The following CEP83 variants were observed in gnomAD, a reference collection of about 807,000 sequenced individuals.
CEP83 encodes the protein centrosomal protein 83.
A neutral mutation model predicts 101.9 loss-of-function variants in CEP83; 70 were observed. The ratio of observed to expected loss-of-function variants is 0.69; its 90% confidence interval spans 0.57 to 0.84. The LOEUF (loss-of-function observed/expected upper bound fraction) is 0.84, where lower values mean the gene tolerates loss of function less well. Among genes scored for constraint, CEP83 ranks in the 40% least tolerant of loss-of-function variants. The probability of loss-of-function intolerance (pLI) is 0.00; values close to 1 mark genes in which losing one functional copy is unlikely to be tolerated. For synonymous variants in CEP83, 264 were observed against 267.9 expected (o/e 0.99, Z 0.14); for missense variants, 715 against 787.2 (o/e 0.91, Z 1.10).
chr12:94,357,596 CT>C (rs1321116567), intron 11 of CEP83, among the ~76,000 whole-genome samples: 2 of 152,178 alleles, frequency 1.3e-5, no homozygotes, highest in Admixed American at 1.3e-4. Context: ...TGTCTGTCCC[CT>C]GCCACAGCAA....
intron 6 of CEP83, among the ~76,000 whole-genome samples, chr12:94,389,816 T>C (rs938385735): frequency 1.3e-5 from 2 of 152,076 alleles, no homozygotes; most frequent in Non-Finnish European, 2.9e-5. Context: ...GGAGATTCTC[T>C]CCCATGCCTG....
At position 94,312,734 on chromosome 12, in the gene CEP83, G is replaced by A. The variant is rs1031644250; in HGVS notation, c.1811+180C>T. ...ACCTGGTATGTGACAGAGACCTTTTGGTTTAAAGAAACATTCAGTTAGGGG... is the reference window on the plus strand; with the variant it reads ...ACCTGGTATGTGACAGAGACCTTTTAGTTTAAAGAAACATTCAGTTAGGGG... On this transcript the variant is annotated intron_variant, in intron 15 of 16. Transcript: ENST00000397809. 6.1e-6 allele frequency: 6 copies of A among 984,872 alleles called. No homozygotes were observed. In the African/African-American group the frequency reaches 1.1e-4, roughly 17 times the overall value. The allele number at this position is 984,872 out of a possible 1,614,324, so 61.0% of individuals were successfully genotyped here.
chr12:94,411,516 C>T (rs1315793610), intron 4 of CEP83, among the ~76,000 whole-genome samples, 181 bp downstream of exon 4: 1 of 151,956 alleles, frequency 6.6e-6, no homozygotes, highest in African/African-American at 2.4e-5. Context: ...TTCATGGCTC[C>T]CTTACATGGT....
intron 11 of CEP83, among the ~76,000 whole-genome samples, chr12:94,360,619 G>A (rs78487108): frequency 0.015 from 2,209 of 151,968 alleles, 23 homozygotes; most frequent in Non-Finnish European, 0.023. Flanking sequence ...ACCAAAAAAT[G>A]AAAAGAAATC....
At chr12:94,303,651 G>A, downstream of CEP83, 5 of 988,788 alleles carry the variant, frequency 5.1e-6, no homozygotes, top group Non-Finnish European at 7.1e-6. Context: ...ACTGGTTGGT[G>A]GTGGGGGTTC....
At chr12:94,398,704 G>A (rs1475706615) in intron 6 of CEP83, among the ~76,000 whole-genome samples, 2 of 152,146 alleles carry the variant, frequency 1.3e-5, no homozygotes, top group African/African-American at 4.8e-5. Flanking sequence ...ACAAAATAGA[G>A]CCATATTTTT....
At chr12:94,418,057 G>T (rs2064422864) in intron 2 of CEP83, among the ~76,000 whole-genome samples, 1 of 152,034 alleles carries the variant, frequency 6.6e-6, no homozygotes, top group Non-Finnish European at 1.5e-5. Flanking sequence ...GAACCAAGTG[G>T]AAATTTTAAA....
At chr12:94,303,747 T>TTTC (rs1358715861), downstream of CEP83, 5 of 1,410,726 alleles carry the variant, frequency 3.5e-6, no homozygotes, top group African/African-American at 1.5e-5. Flanking sequence ...TTTTTTTTTT[T>TTTC]TTCCCCAGGA....
intron 1 of CEP83, among the ~76,000 whole-genome samples, chr12:94,457,536 G>A (rs2067775954): frequency 1.3e-5 from 2 of 152,102 alleles, no homozygotes; most frequent in South Asian, 2.1e-4. Flanking sequence ...GATTATACGA[G>A]TCATTCTTGA....
intron 6 of CEP83, among the ~76,000 whole-genome samples, chr12:94,391,091 G>C (rs1400251293): frequency 3.3e-5 from 5 of 152,102 alleles, no homozygotes; most frequent in Non-Finnish European, 5.9e-5. Flanking sequence ...AACTTAGCAA[G>C]GCAGGCCAAC....
chr12:94,274,315 AG>A, the CEP83 span, among the ~76,000 whole-genome samples: 1 of 152,144 alleles, frequency 6.6e-6, no homozygotes, highest in Non-Finnish European at 1.5e-5. Context: ...CCTGGGCAAC[AG>A]AGTGAGACCC....
intron 1 of CEP83, among the ~76,000 whole-genome samples, chr12:94,456,312 C>T (rs1263569168): frequency 1.3e-5 from 2 of 152,122 alleles, no homozygotes; most frequent in Non-Finnish European, 2.9e-5. Context: ...CGTGAATTCC[C>T]ACTCTTCAAT....
chr12:94,314,667 G>A (rs1000325214), intron 14 of CEP83, among the ~76,000 whole-genome samples: 9 of 152,086 alleles, frequency 5.9e-5, no homozygotes, highest in Non-Finnish European at 1.3e-4. Context: ...ACTCTGCTAC[G>A]AGCATTCATT....
intron 11 of CEP83, among the ~76,000 whole-genome samples, chr12:94,345,042 A>G (rs955036452): frequency 6.6e-6 from 1 of 152,246 alleles, no homozygotes; most frequent in Non-Finnish European, 1.5e-5. Flanking sequence ...TAGTCTTCAA[A>G]AAATGGTGCT....
chr12:94,456,831 A>G (rs1400452219), intron 1 of CEP83, among the ~76,000 whole-genome samples: 1 of 152,254 alleles, frequency 6.6e-6, no homozygotes, highest in African/African-American at 2.4e-5. Context: ...AGAAACATTT[A>G]TTCAGCAACT....
At chr12:94,425,973 T>G (rs1290684732) in intron 2 of CEP83, among the ~76,000 whole-genome samples, 2 of 151,780 alleles carry the variant, frequency 1.3e-5, no homozygotes, top group African/African-American at 4.8e-5. Context: ...ACAAAAAAAA[T>G]TAGCTGGGCG....
intron 8 of CEP83, among the ~76,000 whole-genome samples, chr12:94,373,956 C>T (rs1045016122): frequency 3.3e-5 from 5 of 152,100 alleles, no homozygotes; most frequent in African/African-American, 1.2e-4. Flanking sequence ...TCAAATGAAA[C>T]TTGGTTTGTT....
chr12:94,427,936 G>A (rs1033066330), intron 2 of CEP83, among the ~76,000 whole-genome samples: 5 of 152,176 alleles, frequency 3.3e-5, no homozygotes, highest in Non-Finnish European at 4.4e-5. Flanking sequence ...AACCTGAAGT[G>A]CAGCTGGGAG....
intron 1 of CEP83, among the ~76,000 whole-genome samples, chr12:94,447,898 G>GA (rs2066924485): frequency 6.6e-6 from 1 of 151,700 alleles, no homozygotes; most frequent in Non-Finnish European, 1.5e-5. Context: ...AAGAAAAGAG[G>GA]AAAAAGCAAA....
Sources: allele counts gnomAD v4.1 joint callset (sites outside exome capture counted in the v4.1 genomes callset), GRCh38; gene constraint gnomAD v4.1.1; transcripts MANE v1.5; gene names NCBI Gene and HGNC (gene_info 2026-07-23, HGNC 2026-07-21).